Variants in XRN1 observed in about 807,000 individuals in gnomAD.
XRN1 encodes the protein 5'-3' exoribonuclease 1, also known as strand-exchange protein 1 homolog.
A neutral mutation model predicts 222.3 loss-of-function variants in XRN1; 67 were observed. The ratio of observed to expected loss-of-function variants is 0.30; its 90% CI spans 0.25 to 0.37. The LOEUF (loss-of-function observed/expected upper bound fraction) is 0.37. XRN1 is among the 10% of genes least tolerant of loss of function. The pLI is 1.00. For synonymous variants in XRN1, 643 were observed against 652.4 expected (o/e 0.99, Z 0.22); for missense variants, 1,707 against 2,000.2 (o/e 0.85, Z 2.80).
intron 29 of XRN1, among the ~76,000 whole-genome samples, chr3:142,362,250 G>T (rs1027768587): frequency 6.6e-6 from 1 of 152,004 alleles, no homozygotes; most frequent in Admixed American, 6.6e-5. Context: ...TGATTCTTCC[G>T]CCTCAGCCTC....
intron 14 of XRN1, 80 bp downstream of exon 14, chr3:142,414,055 G>T: frequency 1.5e-6 from 2 of 1,322,054 alleles, no homozygotes; most frequent in South Asian, 2.0e-5. Flanking sequence ...AAATAAATTT[G>T]AGTATTATTG....
chr3:142,414,307 G>T lies in XRN1; in HGVS notation c.1437-16C>A. The T allele has an allele frequency of 6.5e-7, 1 of 1,529,358 alleles. No individual in the cohort carries two copies. The highest frequency in any genetic ancestry group is 8.8e-7 in the Non-Finnish European group (1 of 1,134,726). 94.7% of individuals were successfully genotyped at this position (1,529,358 alleles called of 1,614,324 possible). ...AGGATAATACCTATAAAACAAAACT[G>T]AGTTTTAAACAAGTGGCATCTTTAT... On this transcript the variant is annotated splice_polypyrimidine_tract_variant and intron_variant, in intron 13 of 40. Coordinates refer to ENST00000392981, the MANE Select transcript of XRN1 (RefSeq NM_001282857.2).
At chr3:142,367,304 A>T (rs1428566460) in intron 27 of XRN1, among the ~76,000 whole-genome samples, 5 of 152,014 alleles carry the variant, frequency 3.3e-5, no homozygotes, top group African/African-American at 9.7e-5. Flanking sequence ...AAAAAGAAAG[A>T]AAGAAATGCC....
At chr3:142,436,964 A>C (rs747765991) in intron 1 of XRN1, among the ~76,000 whole-genome samples, 1 of 152,190 alleles carries the variant, frequency 6.6e-6, no homozygotes, top group Non-Finnish European at 1.5e-5. Context: ...TAAAATAATG[A>C]GCATATATTA....
chr3:142,325,907 A>G (rs2065501049), intron 37 of XRN1, among the ~76,000 whole-genome samples: 1 of 152,110 alleles, frequency 6.6e-6, no homozygotes, highest in African/African-American at 2.4e-5. Context: ...TCCCAGGATC[A>G]TTTACTGAAG....
chr3:142,432,952 A>G, intron 1 of XRN1, 59 bp from the exon 2 acceptor site: 1 of 1,298,596 alleles, frequency 7.7e-7, no homozygotes, highest in Non-Finnish European at 1.1e-6. Context: ...AGATATCTTA[A>G]GCAGCAGGGA....
Position 142,397,212 on chromosome 3 carries a change from T to A in XRN1, c.2339+117A>T, listed in dbSNP as rs549187254. The stretch of plus-strand genomic sequence containing the variant: ...GAACTCATTACTTTCTAAAACAGGA[T>A]GAAGGTGTAATTAGTATTCAGAGTA... On this transcript the variant is annotated intron_variant, in intron 20 of 40. Transcript: ENST00000392981. 1.5e-5 allele frequency: 15 copies of A among 975,754 alleles called. No individual in the cohort carries two copies. The Admixed American group carries it at 3.8e-4, about 25-fold the overall frequency. 60.4% of individuals were successfully genotyped at this position (975,754 alleles called of 1,614,324 possible).
Position 142,448,021 on chromosome 3 carries a change from G to T in XRN1, c.-77C>A. ...CGCCGGGGCTCCGCCGCAGCCTCCG[G>T]TCGTCGCTCCGCGGATGACAACACA... On this transcript the variant is annotated 5_prime_UTR_variant, in exon 1 of 41. Coordinates refer to ENST00000392981, the MANE Select transcript of XRN1 (RefSeq NM_001282857.2). 6.7e-7 allele frequency: 1 copy of T among 1,495,240 alleles called. No homozygotes were observed. The highest frequency in any genetic ancestry group is 9.3e-7 in the Non-Finnish European group (1 of 1,080,248). The allele number at this position is 1,495,240 out of a possible 1,614,324, so 92.6% of individuals were successfully genotyped here. A position where few individuals can be genotyped will look rare whatever the true frequency, so the allele number is the denominator to read the frequency against.
intron 37 of XRN1, among the ~76,000 whole-genome samples, chr3:142,323,515 G>A (rs768213995): frequency 1.3e-5 from 2 of 151,928 alleles, no homozygotes; most frequent in Admixed American, 1.3e-4. Flanking sequence ...TTAAAGTATA[G>A]CCAAAACTAT....
chr3:142,429,629 A>G (rs2069434443), intron 2 of XRN1: 1 of 152,218 alleles, frequency 6.6e-6, no homozygotes, highest in South Asian at 2.1e-4. Context: ...CACAGTATTT[A>G]ATAAATGCTT....
intron 18 of XRN1, among the ~76,000 whole-genome samples, chr3:142,402,601 A>C (rs2108025055): frequency 6.6e-6 from 1 of 152,306 alleles, no homozygotes; most frequent in South Asian, 2.1e-4. Flanking sequence ...ACAGAAGATA[A>C]GTTAATTTAT....
Position 142,307,304 on chromosome 3 carries a change from C to A in XRN1, c.*4207G>T, listed in dbSNP as rs1450436761. ...AAACAGCTACAGAAACCTATTTGGC[C>A]TGGACAATTTAATAGTATACCAACT... On this transcript the variant is annotated 3_prime_UTR_variant, in exon 41 of 41. Coordinates refer to ENST00000392981, the MANE Select transcript of XRN1 (RefSeq NM_001282857.2). The A allele has an allele frequency of 6.6e-6, 1 of 151,884 alleles. No homozygotes were observed. Among genetic ancestry groups the A allele is most frequent in the Admixed American group, 6.6e-5 (1 of 15,222 alleles). 9.4% of individuals were successfully genotyped at this position (151,884 alleles called of 1,614,324 possible). A position where few individuals can be genotyped will look rare whatever the true frequency, so the allele number is the denominator to read the frequency against.
intron 14 of XRN1, among the ~76,000 whole-genome samples, chr3:142,413,519 A>T (rs1228816399): frequency 2.0e-5 from 3 of 152,238 alleles, no homozygotes; most frequent in African/African-American, 7.2e-5. Context: ...TGACCAAACC[A>T]CAGAATTAAA....
intron 32 of XRN1, among the ~76,000 whole-genome samples, chr3:142,350,279 T>A (rs903320955): frequency 1.3e-5 from 2 of 152,056 alleles, no homozygotes; most frequent in African/African-American, 4.8e-5. Flanking sequence ...CACAGAAGCC[T>A]AGGGAAATAA....
intron 8 of XRN1, among the ~76,000 whole-genome samples, chr3:142,421,837 AAT>A (rs2069047897): frequency 6.6e-6 from 1 of 152,226 alleles, no homozygotes; most frequent in Non-Finnish European, 1.5e-5. Flanking sequence ...TAGATCATTT[AAT>A]ATGATATGTT....
At position 142,343,038 on chromosome 3, in the gene XRN1, A is replaced by G. The variant is rs557042099; in HGVS notation, c.3877+4196T>C. On this transcript the variant is annotated intron_variant, in intron 33 of 40. Transcript: ENST00000392981. The stretch of plus-strand genomic sequence containing the variant: ...AAACTATCCATCTGACAAGATGGAT[A>G]ATAACCAGAATATATAAGGAGCTCA... Among the ~76,000 whole-genome samples the G allele has an allele frequency of 4.6e-5, 7 of 152,348 alleles. No homozygotes were observed. In the South Asian group the frequency reaches 1.5e-3, roughly 32 times the overall value.
At chr3:142,414,451 T>A in intron 13 of XRN1, 160 bp from the exon 14 acceptor site, 1 of 543,906 alleles carries the variant, frequency 1.8e-6, no homozygotes, top group Non-Finnish European at 2.8e-6. Context: ...TTAGCAGTGT[T>A]GGAAAATTTA....
intron 33 of XRN1, among the ~76,000 whole-genome samples, chr3:142,344,428 C>T (rs760867764): frequency 1.2e-4 from 19 of 152,084 alleles, no homozygotes; most frequent in Non-Finnish European, 2.8e-4. Flanking sequence ...GTTCTCACCA[C>T]TTCTATTCAG....
intron 33 of XRN1, among the ~76,000 whole-genome samples, chr3:142,338,126 T>C (rs754110219): frequency 4.6e-5 from 7 of 152,210 alleles, no homozygotes; most frequent in Non-Finnish European, 8.8e-5. Context: ...CTGAGACTCT[T>C]GCTGGGGCAG....
Sources: allele counts gnomAD v4.1 joint callset (sites outside exome capture counted in the v4.1 genomes callset), GRCh38; gene constraint gnomAD v4.1.1; transcripts MANE v1.5; gene names NCBI Gene and HGNC (gene_info 2026-07-23, HGNC 2026-07-21).